ZNF346: variants seen among roughly 807,000 people sequenced by gnomAD.
ZNF346 encodes double-stranded RNA-binding zinc finger protein JAZ.
ZNF346 carries 23 observed loss-of-function variants against 33.7 expected under a neutral mutation model. That is an observed-to-expected ratio of 0.68 (90% CI 0.49 to 0.97). ZNF346 has a LOEUF of 0.97. Among genes scored for constraint, ZNF346 ranks in the 50% least tolerant of loss-of-function variants. The probability of loss-of-function intolerance (pLI) is 0.00; values close to 1 mark genes in which losing one functional copy is unlikely to be tolerated. For missense variants in ZNF346, 340 were observed against 371.1 expected (o/e 0.92, Z 0.69); for synonymous variants, 134 against 142.4 (o/e 0.94, Z 0.42).
intron 5 of ZNF346, among the ~76,000 whole-genome samples, chr5:177,053,810 G>C (rs1329937269): frequency 6.6e-6 from 1 of 152,064 alleles, no homozygotes; most frequent in Non-Finnish European, 1.5e-5. Context: ...GAATATACTA[G>C]TCCATGCCTA....
At chr5:177,068,529 C>T (rs1783344199), downstream of ZNF346, among the ~76,000 whole-genome samples, 1 of 143,892 alleles carries the variant, frequency 6.9e-6, no homozygotes, top group Non-Finnish European at 1.5e-5. Flanking sequence ...TATCCTGATA[C>T]GTTAGTAACA....
At chr5:177,050,025 C>T (rs1282995298) in intron 4 of ZNF346, among the ~76,000 whole-genome samples, 1 of 152,198 alleles carries the variant, frequency 6.6e-6, no homozygotes, top group Non-Finnish European at 1.5e-5. Context: ...TTAGGAGAGA[C>T]AGGGTTTCAC....
At position 177,048,846 on chromosome 5, in the gene ZNF346, C is replaced by T. The variant is rs542575983; in HGVS notation, c.518-1905C>T. 8.9e-5 allele frequency among the ~76,000 whole-genome samples: 13 copies of T among 145,996 alleles called. 1 individual carries two copies. In the South Asian group the frequency reaches 2.6e-3, roughly 29 times the overall value. ...TTTCGCTCAGAGTGGAGTGCAATGG[C>T]GCAATCTCAGCTTACTGCAGCCTCC... On this transcript the variant is annotated intron_variant, in intron 4 of 6. Transcript: ENST00000358149.
chr5:177,037,570 A>G (rs907658745), intron 1 of ZNF346, among the ~76,000 whole-genome samples: 4 of 151,794 alleles, frequency 2.6e-5, no homozygotes, highest in African/African-American at 7.3e-5. Context: ...CTTCACTCCC[A>G]CCCCCACATC....
At chr5:177,039,219 G>A (rs943379964) in intron 1 of ZNF346, among the ~76,000 whole-genome samples, 5 of 151,994 alleles carry the variant, frequency 3.3e-5, no homozygotes, top group Non-Finnish European at 7.4e-5. Flanking sequence ...AAAGTTCTGG[G>A]CCAATTTTGT....
intron 1 of ZNF346, among the ~76,000 whole-genome samples, chr5:177,033,101 G>A (rs947492438): frequency 1.3e-5 from 2 of 152,142 alleles, no homozygotes; most frequent in African/African-American, 2.4e-5. Context: ...TTGAGATGGG[G>A]GATCTTGCTC....
exon 9 of ZNF346, chr5:177,081,131 T>C (rs931087718): frequency 6.6e-6 from 1 of 150,634 alleles, no homozygotes; most frequent in Non-Finnish European, 1.5e-5. Flanking sequence ...CAGCTGGGTA[T>C]GGTATGACCC....
chr5:177,075,490 T>G (rs1783704498), intron 8 of ZNF346, among the ~76,000 whole-genome samples: 1 of 152,176 alleles, frequency 6.6e-6, no homozygotes, highest in African/African-American at 2.4e-5. Flanking sequence ...TATCCCCTAA[T>G]ATGGGCTGTA....
rs551118096 is a variant in ZNF346, at chr5:177,041,755, A to T, written c.280-23A>T. The T allele has an allele frequency of 2.2e-4, 334 of 1,515,796 alleles. 1 individual carries two copies. Among genetic ancestry groups the T allele is most frequent in the East Asian group, 9.3e-4 (41 of 44,246 alleles). 93.9% of individuals were successfully genotyped at this position (1,515,796 alleles called of 1,614,324 possible). ...ATGAAGTAGCATTTGGCTATCTTTG[A>T]TCTTTCTCCTGGGTTTTTGCAGAGC... is the stretch of plus-strand genomic sequence containing the variant. On this transcript the variant is annotated intron_variant, in intron 2 of 6. Coordinates refer to ENST00000358149, the MANE Select transcript of ZNF346 (RefSeq NM_012279.4).
At chr5:177,044,241 G>A (rs1356599715) in intron 3 of ZNF346, 148 bp from the exon 4 acceptor site, 12 of 842,356 alleles carry the variant, frequency 1.4e-5, no homozygotes, top group East Asian at 2.6e-5. Context: ...CTGGGACAAA[G>A]TAGCTGGAGA....
At chr5:177,071,606 A>G (rs1401206873), downstream of ZNF346, among the ~76,000 whole-genome samples, 10 of 150,266 alleles carry the variant, frequency 6.7e-5, no homozygotes, top group Non-Finnish European at 1.3e-4. Context: ...AATGGCATGA[A>G]CCCGGGAGGC....
At chr5:177,028,518 A>ATATATATATATATATATATATATT (rs1777181307) in intron 1 of ZNF346, among the ~76,000 whole-genome samples, 1 of 138,684 alleles carries the variant, frequency 7.2e-6, no homozygotes, top group African/African-American at 2.8e-5. Flanking sequence ...ATATATATAT[A>ATATATATATATATATATATATATT]TATTTCCCTC....
chr5:177,041,353 G>A, intron 2 of ZNF346, 124 bp downstream of exon 2: 1 of 743,154 alleles, frequency 1.3e-6, no homozygotes, highest in Non-Finnish European at 2.3e-6. Context: ...CTCCATGCAT[G>A]TTGGCTTGTG....
intron 1 of ZNF346, among the ~76,000 whole-genome samples, chr5:177,026,401 C>G (rs1459396622): frequency 6.8e-6 from 1 of 147,852 alleles, no homozygotes; most frequent in Non-Finnish European, 1.5e-5. Context: ...ACTCTATCGC[C>G]CAGGCTAGAG....
At chr5:177,061,019 G>A (rs1232762774) in intron 5 of ZNF346, among the ~76,000 whole-genome samples, 2 of 152,140 alleles carry the variant, frequency 1.3e-5, no homozygotes, top group East Asian at 3.9e-4. Context: ...GGCTGAGGGA[G>A]GAGAATGGCG....
chr5:177,062,673 G>C (rs1581958552), intron 6 of ZNF346, among the ~76,000 whole-genome samples: 1 of 152,260 alleles, frequency 6.6e-6, no homozygotes, highest in Non-Finnish European at 1.5e-5. Context: ...TTGTGATAAG[G>C]GTTTTGAAGG....
chr5:177,053,143 C>G (rs1231774707), intron 5 of ZNF346, among the ~76,000 whole-genome samples: 1 of 151,908 alleles, frequency 6.6e-6, no homozygotes. Flanking sequence ...TGGTGAAACC[C>G]AGTCTCTACT....
chr5:177,032,926 C>T (rs1164238982), intron 1 of ZNF346, among the ~76,000 whole-genome samples: 1 of 152,224 alleles, frequency 6.6e-6, no homozygotes, highest in Non-Finnish European at 1.5e-5. Context: ...ACAGTATGGA[C>T]TCACAAAATG....
At chr5:177,031,908 A>ATTTCAACTC (rs934533002) in intron 1 of ZNF346, among the ~76,000 whole-genome samples, 49 of 151,380 alleles carry the variant, frequency 3.2e-4, no homozygotes, top group African/African-American at 1.1e-3. Flanking sequence ...TTGTATTATA[A>ATTTCAACTC]TTTCAACTCC....
Sources: gnomAD v4.1 joint callset for allele counts (sites outside exome capture counted in the v4.1 genomes callset) on GRCh38, gnomAD v4.1.1 for gene constraint, MANE v1.5 for transcripts, NCBI Gene and HGNC (gene_info 2026-07-23, HGNC 2026-07-21) for gene names.